TNIP1: variants seen among roughly 807,000 people sequenced by gnomAD.
The protein encoded by TNIP1 is TNFAIP3 interacting protein 1.
TNIP1 carries 22 observed loss-of-function variants against 86.6 expected under a neutral mutation model. The ratio of observed to expected loss-of-function variants is 0.25; its 90% CI spans 0.18 to 0.36. TNIP1 has a LOEUF of 0.36. Among genes scored for constraint, TNIP1 ranks in the 10% least tolerant of loss-of-function variants. The pLI is 1.00. For missense variants in TNIP1, 709 were observed against 820.6 expected (o/e 0.86, Z 1.66); for synonymous variants, 294 against 313.0 (o/e 0.94, Z 0.64).
intron 5 of TNIP1, among the ~76,000 whole-genome samples, chr5:151,058,755 G>A (rs1267089057): frequency 5.9e-5 from 9 of 152,304 alleles, no homozygotes; most frequent in Admixed American, 2.0e-4. Context: ...AGATCAGGCC[G>A]GGAAACCAAG....
upstream of TNIP1, among the ~76,000 whole-genome samples, chr5:151,085,560 T>C (rs553151138): frequency 6.6e-6 from 1 of 152,312 alleles, no homozygotes; most frequent in African/African-American, 2.4e-5. Context: ...CACTTCAGTT[T>C]CTAGGGCACC....
At chr5:151,051,474 G>C (rs1377129941) in intron 7 of TNIP1, among the ~76,000 whole-genome samples, 1 of 152,124 alleles carries the variant, frequency 6.6e-6, no homozygotes, top group African/African-American at 2.4e-5. Context: ...AGTTCCTGTT[G>C]TAAGACTCCA....
chr5:151,061,002 A>G (rs1429931005), intron 4 of TNIP1, among the ~76,000 whole-genome samples: 1 of 152,242 alleles, frequency 6.6e-6, no homozygotes, highest in Non-Finnish European at 1.5e-5. Context: ...AACTGATCTG[A>G]GAAAAGTCCC....
At chr5:151,057,712 G>A (rs377034350) in intron 5 of TNIP1, among the ~76,000 whole-genome samples, 7 of 152,088 alleles carry the variant, frequency 4.6e-5, no homozygotes, top group South Asian at 2.1e-4. Context: ...GCAAGATTCC[G>A]TCCCAAAACA....
intron 16 of TNIP1, 53 bp downstream of exon 16, chr5:151,033,555 G>A (rs1051287240): frequency 3.3e-6 from 4 of 1,219,646 alleles, no homozygotes; most frequent in Non-Finnish European, 4.6e-6. Context: ...TCTGGAAGGT[G>A]TCTGGGGCAG....
intron 1 of TNIP1, among the ~76,000 whole-genome samples, chr5:151,079,004 T>C (rs977746632): frequency 6.6e-6 from 1 of 152,048 alleles, no homozygotes; most frequent in Non-Finnish European, 1.5e-5. Flanking sequence ...CCGAAAAAAC[T>C]GGTGGGGGTA....
At chr5:151,054,063 A>G (rs1224875903) in intron 6 of TNIP1, among the ~76,000 whole-genome samples, 2 of 152,218 alleles carry the variant, frequency 1.3e-5, no homozygotes, top group African/African-American at 4.8e-5. Flanking sequence ...AAAGAGGTGT[A>G]GAAGGGACAA....
intron 8 of TNIP1, among the ~76,000 whole-genome samples, chr5:151,048,062 G>C (rs564231230): frequency 7.9e-5 from 12 of 152,338 alleles, no homozygotes; most frequent in Admixed American, 4.6e-4. Flanking sequence ...AGCAAGGTGA[G>C]GGGGAGCCCT....
At chr5:151,059,542 C>T (rs1761113250) in intron 5 of TNIP1, among the ~76,000 whole-genome samples, 1 of 152,040 alleles carries the variant, frequency 6.6e-6, no homozygotes, top group African/African-American at 2.4e-5. Flanking sequence ...GGCTAGAGCA[C>T]CTATTGCTCG....
rs909083996 is a variant in TNIP1, at chr5:151,052,059, C to T, written c.722+106G>A. 35 of 942,262 alleles carry T rather than the reference C, an allele frequency of 3.7e-5. No homozygotes were observed. The Middle Eastern group carries it at 9.1e-4, about 24-fold the overall frequency. The allele number at this position is 942,262 out of a possible 1,614,324, so 58.4% of individuals were successfully genotyped here. ...TAACCTCCAAATAGGGCTCTGGGCA[C>T]AGGGCCTCAGAGCCACGGTCCTCAA... On this transcript the variant is annotated intron_variant, in intron 7 of 17. Transcript: ENST00000521591.
At position 151,052,270 on chromosome 5, in the gene TNIP1, G is replaced by A. The variant is rs774343353; in HGVS notation, c.628-11C>T. The A allele has an allele frequency of 6.2e-7, 1 of 1,611,506 alleles. No individual in the cohort carries two copies. Among genetic ancestry groups the A allele is most frequent in the Non-Finnish European group, 8.5e-7 (1 of 1,178,682 alleles). On this transcript the variant is annotated splice_polypyrimidine_tract_variant and intron_variant, in intron 6 of 17. Transcript: ENST00000521591. The stretch of plus-strand genomic sequence containing the variant: ...CTGCTCACACAGGGTCTGTGGGGCA[G>A]GGGAACAGACAGGGTGAGGGAAAGG...
At chr5:151,035,111 TTTCTGGCC>T (rs2113281740) in intron 14 of TNIP1, 44 bp from the exon 15 acceptor site, 2 of 1,598,398 alleles carry the variant, frequency 1.3e-6, no homozygotes, top group Non-Finnish European at 1.7e-6. Flanking sequence ...GCACAGGTGG[TTTCTGGCC>T]AGGCCTGGAT....
chr5:151,059,818 A>T (rs916551088), intron 5 of TNIP1, among the ~76,000 whole-genome samples: 66 of 103,026 alleles, frequency 6.4e-4, no homozygotes, highest in African/African-American at 3.1e-3. Context: ...AGAGAGAGAG[A>T]GAGAGAGAGA....
At chr5:151,070,829 C>T (rs1762743789) in intron 1 of TNIP1, among the ~76,000 whole-genome samples, 1 of 152,090 alleles carries the variant, frequency 6.6e-6, no homozygotes, top group South Asian at 2.1e-4. Context: ...GGCAGTGAAA[C>T]TACTCTGTTC....
chr5:151,035,718 G>A lies in TNIP1; in HGVS notation c.1396-11C>T, dbSNP rs1757612154. On this transcript the variant is annotated splice_polypyrimidine_tract_variant and intron_variant, in intron 13 of 17. Transcript: ENST00000521591. ...CTCGAAGATCTTCACCTGGTGTGGA[G>A]GGAGGGTGAAGAGAGGGAGGGGGAT... is the stretch of plus-strand genomic sequence containing the variant. 6.2e-7 allele frequency: 1 copy of A among 1,613,674 alleles called. No homozygotes were observed. Among genetic ancestry groups the A allele is most frequent in the Non-Finnish European group, 8.5e-7 (1 of 1,179,960 alleles).
chr5:151,057,221 G>GT (rs1321353970), intron 5 of TNIP1, among the ~76,000 whole-genome samples: 5 of 152,254 alleles, frequency 3.3e-5, no homozygotes, highest in East Asian at 1.9e-4. Context: ...GTGCCTGACA[G>GT]TAAGTCACTT....
intron 8 of TNIP1, among the ~76,000 whole-genome samples, chr5:151,048,073 C>G (rs1034816785): frequency 3.3e-5 from 5 of 152,194 alleles, no homozygotes; most frequent in African/African-American, 1.2e-4. Context: ...GGGGAGCCCT[C>G]CAAGGAAGGT....
At chr5:151,030,796 G>C (rs772098602) in intron 17 of TNIP1, 49 bp from the exon 18 acceptor site, 74 of 1,481,102 alleles carry the variant, frequency 5.0e-5, no homozygotes, top group Admixed American at 1.1e-4. Flanking sequence ...GGTAGAGCGA[G>C]TTTCAAAGTC....
chr5:151,035,652 T>C lies in TNIP1; in HGVS notation c.1451A>G (p.Asn484Ser). The C allele has an allele frequency of 1.2e-6, 2 of 1,614,196 alleles. No homozygotes were observed. The highest frequency in any genetic ancestry group is 1.1e-5 in the South Asian group (1 of 91,086). Residue 484 changes from asparagine to serine, a missense_variant, in exon 14 of 18, where the codon AAT (asparagine) becomes AGT (serine). Asn to Ser is a conservative substitution (Grantham distance 46). Transcript: ENST00000521591. ...QRERSDRERM[N>S]EEKEELKKQV... is the part of the protein sequence containing the mutation. ...CTTCTTCAGCTCTTCCTTCTCCTCATTCATGCGCTCACGATCACTGCGCTC... is the reference window on the plus strand; with the variant it reads ...CTTCTTCAGCTCTTCCTTCTCCTCACTCATGCGCTCACGATCACTGCGCTC...
Sources: gnomAD v4.1 joint callset for allele counts (sites outside exome capture counted in the v4.1 genomes callset) on GRCh38, gnomAD v4.1.1 for gene constraint, MANE v1.5 for transcripts, NCBI Gene and HGNC (gene_info 2026-07-23, HGNC 2026-07-21) for gene names.